Variants in RBM41 observed in about 807,000 individuals in gnomAD.
RBM41 encodes the protein RNA-binding protein 41.
Under a neutral mutation model 30.8 loss-of-function variants are expected in RBM41, and 14 were observed. The observed-to-expected ratio is 0.45, with a 90% CI of 0.30 to 0.71. The LOEUF is 0.71. RBM41 is among the 30% of genes least tolerant of loss of function. The pLI, the probability that RBM41 is intolerant of heterozygous loss-of-function variation, is 0.08. For synonymous variants in RBM41, 120 were observed against 110.1 expected (o/e 1.09, Z -0.56); for missense variants, 276 against 326.3 (o/e 0.85, Z 1.19).
intron 5 of RBM41, among the ~76,000 whole-genome samples, chrX:107,104,690 G>A (rs891208015): frequency 9.0e-6 from 1 of 110,909 alleles, no homozygotes; most frequent in African/African-American, 3.3e-5. Flanking sequence ...TTATATGCTG[G>A]ATTACGTTTA....
chrX:107,089,461 A>G (rs377043729), intron 5 of RBM41, among the ~76,000 whole-genome samples: 1 of 112,053 alleles, frequency 8.9e-6, no homozygotes, highest in Non-Finnish European at 1.9e-5. Flanking sequence ...GCTACCTAAT[A>G]TAGTAGCCAC....
Position 107,088,837 on chromosome X carries a change from C to A in RBM41, c.598G>T (p.Glu200Ter). Residue 200 changes from glutamate (E) to a stop codon, truncating the protein, a stop_gained and splice_region_variant, in exon 6 of 8, where the codon GAA becomes TAA. Coordinates refer to ENST00000685964, the MANE Select transcript of RBM41 (RefSeq NM_001324242.2). LOFTEE classifies it high-confidence loss of function. ...TCACCTTTGTTCTTCTTTTGGGGTT[C>A]ATCTGGATCAAGACAAAGAGATAGG... is the stretch of plus-strand genomic sequence containing the variant. ...KRKIKLGTKD[E>*]PQKKNKGDPM... 8.4e-7 allele frequency: 1 copy of A among 1,196,892 alleles called. No homozygotes were observed.
In RBM41 at chrX:107,062,804, T is replaced by C. The variant is rs1935686639; in HGVS notation, c.*4723A>G. ...TCTTAAATTTATTCAGAAATATCTA[T>C]ATACATACATACTATACATAAATGA... On this transcript the variant is annotated 3_prime_UTR_variant, in exon 8 of 8. Transcript: ENST00000685964. 1.8e-5 allele frequency among the ~76,000 whole-genome samples: 2 copies of C among 111,953 alleles called. No individual in the cohort carries two copies. Among genetic ancestry groups the C allele is most frequent in the Admixed American group, 9.5e-5 (1 of 10,557 alleles).
In RBM41 at chrX:107,089,290, C is replaced by T. The variant is rs192039314; in HGVS notation, c.596-451G>A. ...AGATACTTTTATTCTAAAACAGTGCCTCGTCTCTCCCATCCCTTTATTTCA... is the reference window on the plus strand; with the variant it reads ...AGATACTTTTATTCTAAAACAGTGCTTCGTCTCTCCCATCCCTTTATTTCA... On this transcript the variant is annotated intron_variant, in intron 5 of 7. Transcript: ENST00000685964. 3.1e-3 allele frequency among the ~76,000 whole-genome samples: 348 copies of T among 111,601 alleles called. 1 individual carries two copies. The highest frequency in any genetic ancestry group is 5.2e-3 in the Non-Finnish European group (277 of 53,065).
the RBM41 span, among the ~76,000 whole-genome samples, chrX:107,055,582 C>T: frequency 8.9e-6 from 1 of 112,423 alleles, no homozygotes; most frequent in Non-Finnish European, 1.9e-5. Context: ...CCTTGGCCTC[C>T]CAAAGTGCTG....
At position 107,094,285 on chromosome X, in the gene RBM41, G is replaced by T. The variant is rs772245266; in HGVS notation, c.596-5446C>A. On this transcript the variant is annotated intron_variant, in intron 5 of 7. Coordinates refer to ENST00000685964, the MANE Select transcript of RBM41 (RefSeq NM_001324242.2). ...AAAACCACAGACCAATATTCCTCAT[G>T]AATATAGATGCAAAAATACCTAATA... is the stretch of plus-strand genomic sequence containing the variant. Among the ~76,000 whole-genome samples the T allele has an allele frequency of 5.8e-4, 65 of 112,081 alleles. 1 individual carries two copies. The highest frequency in any genetic ancestry group is 5.8e-4 in the Non-Finnish European group (31 of 53,182).
At chrX:107,068,790 T>C (rs193267064) in intron 7 of RBM41, among the ~76,000 whole-genome samples, 8 of 112,384 alleles carry the variant, frequency 7.1e-5, no homozygotes, top group East Asian at 5.6e-4. Flanking sequence ...TTAGAAGCTA[T>C]GCATTAATTA....
In RBM41 at chrX:107,064,052, C is replaced by T. The variant is rs930391112; in HGVS notation, c.*3475G>A. ...CTGCAAGCTCTGCCTCCCAGGTTCA[C>T]GCCATTCTCCTGCCTCAGCCTCCCG... On this transcript the variant is annotated 3_prime_UTR_variant, in exon 8 of 8. Coordinates refer to ENST00000685964, the MANE Select transcript of RBM41 (RefSeq NM_001324242.2). 1.9e-5 allele frequency among the ~76,000 whole-genome samples: 2 copies of T among 105,951 alleles called. No individual in the cohort carries two copies. The highest frequency in any genetic ancestry group is 1.0e-4 in the Admixed American group (1 of 9,763). 92.0% of individuals were successfully genotyped at this position (105,951 alleles called of 115,157 possible). A position where few individuals can be genotyped will look rare whatever the true frequency, so the allele number is the denominator to read the frequency against.
the RBM41 span, among the ~76,000 whole-genome samples, chrX:107,054,234 A>G: frequency 2.3e-4 from 26 of 111,505 alleles, no homozygotes; most frequent in African/African-American, 8.5e-4. Flanking sequence ...CCACACAGTA[A>G]GATCTCTTCC....
At chrX:107,074,147 A>G (rs1048585668) in intron 6 of RBM41, among the ~76,000 whole-genome samples, 1 of 111,753 alleles carries the variant, frequency 8.9e-6, no homozygotes, top group Non-Finnish European at 1.9e-5. Context: ...TGAAGAAATG[A>G]TAAATACTTA....
At position 107,115,452 on chromosome X, in the gene RBM41, A is replaced by C; in HGVS notation, c.423T>G (p.Phe141Leu). Residue 141 changes from phenylalanine to leucine, a missense_variant, in exon 4 of 8, where the codon TTT becomes TTG. Coordinates refer to ENST00000685964, the MANE Select transcript of RBM41 (RefSeq NM_001324242.2). ...RQRILCLPQRFAKSKQLTRRE... is the reference protein window; with the variant it reads ...RQRILCLPQRLAKSKQLTRRE... ...GCCGGGTCAGCTGTTTGCTCTTTGC[A>C]AATCTCTGTGGCAGGCAAAGAATGC... 8.3e-7 allele frequency: 1 copy of C among 1,211,839 alleles called. No individual in the cohort carries two copies. Among genetic ancestry groups the C allele is most frequent in the Non-Finnish European group, 1.1e-6 (1 of 895,431 alleles).
chrX:107,109,834 T>C (rs1389981281), intron 5 of RBM41, among the ~76,000 whole-genome samples: 3 of 111,683 alleles, frequency 2.7e-5, no homozygotes, highest in Admixed American at 1.9e-4. Flanking sequence ...CTAATATTCC[T>C]TTTGATTTCC....
At chrX:107,110,887 G>A (rs891318893) in intron 5 of RBM41, among the ~76,000 whole-genome samples, 20 of 110,658 alleles carry the variant, frequency 1.8e-4, no homozygotes, top group African/African-American at 5.9e-4. Context: ...TACCATATAC[G>A]AAAATTAACT....
intron 1 of RBM41, among the ~76,000 whole-genome samples, chrX:107,117,537 G>A (rs1194704990): frequency 1.8e-5 from 2 of 111,491 alleles, no homozygotes; most frequent in Non-Finnish European, 3.8e-5. Flanking sequence ...GTAACTGAGA[G>A]AACAATGGTA....
intron 5 of RBM41, among the ~76,000 whole-genome samples, chrX:107,093,222 G>C (rs902298366): frequency 9.9e-5 from 11 of 111,407 alleles, no homozygotes; most frequent in African/African-American, 3.6e-4. Flanking sequence ...GAAGAGCTAT[G>C]GGGTGGTTGT....
At position 107,065,708 on chromosome X, in the gene RBM41, G is replaced by T. The variant is rs1272560059; in HGVS notation, c.*1819C>A. ...TCCTGTGGATTTGTCTTACCATCTG[G>T]AGTCAGTTCTTTAGTACAAGACAGT... On this transcript the variant is annotated 3_prime_UTR_variant, in exon 8 of 8. Transcript: ENST00000685964. 4 of 1,131,889 alleles carry T rather than the reference G, an allele frequency of 3.5e-6. No homozygotes were observed. The highest frequency in any genetic ancestry group is 4.7e-6 in the Non-Finnish European group (4 of 855,230). The allele number at this position is 1,131,889 out of a possible 1,213,427, so 93.3% of individuals were successfully genotyped here.
downstream of RBM41, among the ~76,000 whole-genome samples, chrX:107,061,142 C>A (rs774872812): frequency 6.3e-5 from 7 of 111,524 alleles, no homozygotes; most frequent in East Asian, 2.0e-3. Context: ...ATGTGGCATC[C>A]TGGATTTGAT....
At chrX:107,082,498 A>G (rs1921617508) in intron 6 of RBM41, among the ~76,000 whole-genome samples, 2 of 111,520 alleles carry the variant, frequency 1.8e-5, no homozygotes, top group South Asian at 3.8e-4. Context: ...CACGAGGGAT[A>G]CTGTCTGTAG....
At chrX:107,079,735 C>T (rs1196999860) in intron 6 of RBM41, among the ~76,000 whole-genome samples, 1 of 111,129 alleles carries the variant, frequency 9.0e-6, no homozygotes, top group African/African-American at 3.3e-5. Flanking sequence ...CAGTATTATA[C>T]AGAATAATTT....
Sources: allele counts gnomAD v4.1 joint callset (sites outside exome capture counted in the v4.1 genomes callset), GRCh38; gene constraint gnomAD v4.1.1; transcripts MANE v1.5; gene names NCBI Gene and HGNC (gene_info 2026-07-23, HGNC 2026-07-21).